The following STPG2 variants were observed in gnomAD, a reference collection of about 807,000 sequenced individuals.
The protein encoded by STPG2 is sperm tail PG-rich repeat containing 2, also known as sperm-tail PG-rich repeat-containing protein 2.
A neutral mutation model predicts 54.2 loss-of-function variants in STPG2; 56 were observed. That is an observed-to-expected ratio of 1.03 (90% CI 0.83 to 1.29). STPG2 has a LOEUF of 1.29. Among genes scored for constraint, STPG2 ranks in the 50% most tolerant of loss-of-function variants. The pLI is 0.00. For missense variants in STPG2, 596 were observed against 544.9 expected (o/e 1.09, Z -0.93); for synonymous variants, 200 against 181.8 (o/e 1.10, Z -0.81).
chr4:97,779,078 T>G (rs1726499429), intron 9 of STPG2, among the ~76,000 whole-genome samples: 1 of 152,190 alleles, frequency 6.6e-6, no homozygotes, highest in Non-Finnish European at 1.5e-5. Flanking sequence ...CAAAGCTGGG[T>G]GGAGAATGGT....
At chr4:98,031,280 A>G (rs1736587563) in intron 5 of STPG2, among the ~76,000 whole-genome samples, 1 of 152,184 alleles carries the variant, frequency 6.6e-6, no homozygotes, top group Non-Finnish European at 1.5e-5. Flanking sequence ...TAAATTTAAG[A>G]CCTGAAACTA....
At chr4:98,074,276 T>C (rs977950210) in intron 5 of STPG2, among the ~76,000 whole-genome samples, 1 of 152,236 alleles carries the variant, frequency 6.6e-6, no homozygotes, top group African/African-American at 2.4e-5. Context: ...CTCCCATCAT[T>C]TCAGTTGAAT....
At chr4:97,546,192 G>T (rs749332737) in intron 4 of STPG2, among the ~76,000 whole-genome samples, 2 of 151,742 alleles carry the variant, frequency 1.3e-5, no homozygotes, top group African/African-American at 4.8e-5. Flanking sequence ...GGCACATTTA[G>T]TTGAAAAAGG....
chr4:97,813,708 A>AAAAAAAAC (rs1727816360), intron 9 of STPG2, among the ~76,000 whole-genome samples: 1 of 136,034 alleles, frequency 7.4e-6, no homozygotes, highest in Non-Finnish European at 1.6e-5. Flanking sequence ...AAAAAAAAAA[A>AAAAAAAAC]AAAGCATGTT....
intron 1 of STPG2, among the ~76,000 whole-genome samples, chr4:98,134,673 C>G (rs954686601): frequency 6.7e-6 from 1 of 150,156 alleles, no homozygotes; most frequent in African/African-American, 2.4e-5. Flanking sequence ...AAGAACTTGA[C>G]TTATTGAACA....
chr4:97,704,952 A>G (rs1338489706), intron 10 of STPG2, among the ~76,000 whole-genome samples: 1 of 152,112 alleles, frequency 6.6e-6, no homozygotes, highest in Non-Finnish European at 1.5e-5. Flanking sequence ...AATATGGAAA[A>G]AATATCTTAA....
intron 6 of STPG2, among the ~76,000 whole-genome samples, chr4:97,974,607 G>T (rs1734442753): frequency 1.3e-5 from 2 of 152,122 alleles, no homozygotes; most frequent in East Asian, 3.9e-4. Context: ...TTCCCGTGTT[G>T]TTCTCATGAT....
intron 10 of STPG2, among the ~76,000 whole-genome samples, chr4:97,678,047 A>G (rs1185427200): frequency 1.3e-5 from 2 of 152,122 alleles, no homozygotes; most frequent in East Asian, 1.9e-4. Context: ...GTTTCTTTAA[A>G]TGTTTTGTAG....
chr4:98,105,863 T>C, intron 5 of STPG2, 90 bp downstream of exon 5: 1 of 1,132,746 alleles, frequency 8.8e-7, no homozygotes, highest in South Asian at 1.4e-5. Flanking sequence ...ATCAGGCACA[T>C]TAGATCAAAG....
intron 8 of STPG2, among the ~76,000 whole-genome samples, chr4:97,907,259 C>A (rs1731469294): frequency 6.6e-6 from 1 of 151,116 alleles, no homozygotes; most frequent in South Asian, 2.1e-4. Flanking sequence ...AGTGAACTCC[C>A]ATTCACAATT....
intron 4 of STPG2, among the ~76,000 whole-genome samples, chr4:97,530,293 T>C (rs1407652682): frequency 1.3e-5 from 2 of 152,204 alleles, no homozygotes; most frequent in Admixed American, 6.5e-5. Context: ...ACATTGTTAT[T>C]GTTTGTCACA....
At chr4:98,134,196 A>C (rs975169119) in intron 2 of STPG2, 151 bp downstream of exon 2, 1 of 364,112 alleles carries the variant, frequency 2.7e-6, no homozygotes, top group East Asian at 4.5e-5. Context: ...ACATTGAATA[A>C]ATTTATTTTC....
intron 4 of STPG2, among the ~76,000 whole-genome samples, chr4:97,493,172 C>T (rs1159145125): frequency 6.6e-6 from 1 of 150,854 alleles, no homozygotes; most frequent in Non-Finnish European, 1.5e-5. Flanking sequence ...TCGGTTATTA[C>T]AGCCTCCAAA....
intron 7 of STPG2, among the ~76,000 whole-genome samples, chr4:97,968,046 C>A (rs1287597874): frequency 6.6e-6 from 1 of 151,960 alleles, no homozygotes; most frequent in Non-Finnish European, 1.5e-5. Context: ...ACAAAAAAAC[C>A]TTCAAAAAAT....
chr4:98,030,773 C>T (rs933281779), intron 5 of STPG2, among the ~76,000 whole-genome samples: 1 of 152,090 alleles, frequency 6.6e-6, no homozygotes, highest in African/African-American at 2.4e-5. Context: ...TTGACAAAAA[C>T]AAGCAATGGG....
chr4:98,055,798 T>A (rs1737463208), intron 5 of STPG2, among the ~76,000 whole-genome samples: 2 of 152,314 alleles, frequency 1.3e-5, no homozygotes, highest in African/African-American at 4.8e-5. Context: ...ACGGGCCTGG[T>A]CTGACCTGAG....
At chr4:97,611,853 A>G (rs979009832) in intron 10 of STPG2, among the ~76,000 whole-genome samples, 1 of 151,906 alleles carries the variant, frequency 6.6e-6, no homozygotes, top group African/African-American at 2.4e-5. Context: ...TAATATTAAA[A>G]AGAGGAGAAA....
intron 4 of STPG2, among the ~76,000 whole-genome samples, chr4:97,491,373 T>C (rs1233493000): frequency 6.6e-6 from 1 of 151,534 alleles, no homozygotes; most frequent in Non-Finnish European, 1.5e-5. Context: ...CTCAAAGAAC[T>C]TATTCCTTTT....
chr4:98,084,162 T>C lies in STPG2; in HGVS notation c.612+21791A>G, dbSNP rs1302867406. Among the ~76,000 whole-genome samples the C allele has an allele frequency of 1.3e-5, 2 of 152,150 alleles. 1 individual carries two copies. The highest frequency in any genetic ancestry group is 1.3e-4 in the Admixed American group (2 of 15,270). On this transcript the variant is annotated intron_variant, in intron 5 of 10. Coordinates refer to ENST00000295268, the MANE Select transcript of STPG2 (RefSeq NM_174952.3). Reference sequence around the variant, plus strand: ...CTGCCCTGTTTTCTGTTATTATAGATTTGTCTTTTTTAGAATTTTATATGA... The same window carrying C: ...CTGCCCTGTTTTCTGTTATTATAGACTTGTCTTTTTTAGAATTTTATATGA...
Sources: allele counts gnomAD v4.1 joint callset (sites outside exome capture counted in the v4.1 genomes callset), GRCh38; gene constraint gnomAD v4.1.1; transcripts MANE v1.5; gene names NCBI Gene and HGNC (gene_info 2026-07-23, HGNC 2026-07-21).